The following IL17RA variants were observed in gnomAD, a reference collection of about 807,000 sequenced individuals.
IL17RA encodes interleukin-17 receptor A.
Under a neutral mutation model 50.4 loss-of-function variants are expected in IL17RA, and 34 were observed. The ratio of observed to expected loss-of-function variants is 0.67; its 90% CI spans 0.51 to 0.90. The LOEUF is 0.90. Ranked by LOEUF, IL17RA falls within the 40% of genes least tolerant of loss-of-function variation. IL17RA has a pLI of 0.00. For synonymous variants in IL17RA, 585 were observed against 510.4 expected, an observed-to-expected ratio of 1.15 and a Z score of -1.97; for missense variants, 1,276 against 1,169.8, an observed-to-expected ratio of 1.09 and a Z score of -1.32.
intron 11 of IL17RA, among the ~76,000 whole-genome samples, chr22:17,106,711 G>A (rs1305845518): frequency 1.3e-5 from 2 of 152,122 alleles, no homozygotes; most frequent in Admixed American, 6.5e-5. Context: ...GGCTCGTCAG[G>A]ATTAGGTGTT....
intron 1 of IL17RA, among the ~76,000 whole-genome samples, chr22:17,091,416 C>T (rs529262822): frequency 6.6e-6 from 1 of 152,164 alleles, no homozygotes; most frequent in Admixed American, 6.5e-5. Context: ...GTAGCTTACG[C>T]CTATAATCCC....
intron 11 of IL17RA, among the ~76,000 whole-genome samples, chr22:17,106,778 A>G (rs191457203): frequency 2.0e-5 from 3 of 152,180 alleles, no homozygotes; most frequent in Admixed American, 2.0e-4. Context: ...GGGAGGACCT[A>G]TGGGAGGTTC....
In IL17RA at chr22:17,109,086, C is replaced by A. The variant is rs762826386; in HGVS notation, c.1867C>A (p.Leu623Met). 3 of 1,570,134 alleles carry A rather than the reference C, an allele frequency of 1.9e-6. No individual in the cohort carries two copies. Among genetic ancestry groups the A allele is most frequent in the East Asian group, 2.3e-5 (1 of 43,622 alleles). ...AACCGGCATCGTGAAGCGGGCGCCC[C>A]TGGTGCGCGAGCCTGGCTCCCAGGC... Reference protein sequence around the residue: ...PGTGIVKRAPLVREPGSQACL... With the variant: ...PGTGIVKRAPMVREPGSQACL... Residue 623 changes from leucine to methionine, a missense_variant, in exon 13 of 13, where the codon CTG becomes ATG. Transcript: ENST00000319363.
intron 7 of IL17RA, among the ~76,000 whole-genome samples, chr22:17,102,555 T>C (rs2061395742): frequency 2.0e-5 from 3 of 152,058 alleles, no homozygotes; most frequent in Admixed American, 2.0e-4. Context: ...CGCCCCCTTG[T>C]TCTCTTTTTG....
At position 17,108,916 on chromosome 22, in the gene IL17RA, A is replaced by G. The variant is rs1194431734; in HGVS notation, c.1697A>G (p.Gln566Arg). ...DNYLRSPGGR[Q>R]LRAALDRFRD... ...TACCTGCGGAGCCCGGGCGGCAGGC[A>G]GCTCCGCGCCGCCCTGGACAGGTTC... The change falls in exon 13 of 13, where the codon CAG becomes CGG. Residue 566 changes from glutamine (Q) to arginine (R), a missense_variant. By Grantham distance (43) the Gln-to-Arg change is conservative. Coordinates refer to ENST00000319363, the MANE Select transcript of IL17RA (RefSeq NM_014339.7). 6 of 1,611,284 alleles carry G rather than the reference A, an allele frequency of 3.7e-6. No homozygotes were observed. The highest frequency in any genetic ancestry group is 1.3e-5 in the African/African-American group (1 of 74,762).
Position 17,113,781 on chromosome 22 carries a change from A to G in IL17RA, c.*3961A>G, listed in dbSNP as rs2061455537. The G allele has an allele frequency of 6.6e-6, 1 of 152,294 alleles. No individual in the cohort carries two copies. Among genetic ancestry groups the G allele is most frequent in the South Asian group, 2.1e-4 (1 of 4,828 alleles). 9.4% of individuals were successfully genotyped at this position (152,294 alleles called of 1,614,324 possible). A position where few individuals can be genotyped will look rare whatever the true frequency, so the allele number is the denominator to read the frequency against. On this transcript the variant is annotated 3_prime_UTR_variant, in exon 13 of 13. Transcript: ENST00000319363. ...CTGTGTCGGACAGAGGATCCTTACAAAGAAGAGGCAGCAGGGTTGGGGGCT... is the reference window on the plus strand; with the variant it reads ...CTGTGTCGGACAGAGGATCCTTACAGAGAAGAGGCAGCAGGGTTGGGGGCT...
At chr22:17,086,476 A>T (rs1361708663) in intron 1 of IL17RA, among the ~76,000 whole-genome samples, 2 of 152,118 alleles carry the variant, frequency 1.3e-5, no homozygotes, top group Admixed American at 1.3e-4. Context: ...TCCCTCCTGC[A>T]GGCTGTGTAT....
intron 10 of IL17RA, 26 bp from the exon 11 acceptor site, chr22:17,105,827 C>T: frequency 5.1e-6 from 2 of 391,722 alleles, no homozygotes; most frequent in Non-Finnish European, 3.4e-6. Flanking sequence ...CCCGCCGCAT[C>T]ACTCACGCTG....
intron 9 of IL17RA, 43 bp downstream of exon 9, chr22:17,104,853 G>T: frequency 6.3e-7 from 1 of 1,579,232 alleles, no homozygotes; most frequent in Admixed American, 1.7e-5. Flanking sequence ...GGGAGAACAA[G>T]TGGCTGAAGG....
At chr22:17,087,924 A>G (rs1285607446) in intron 1 of IL17RA, among the ~76,000 whole-genome samples, 2 of 152,196 alleles carry the variant, frequency 1.3e-5, no homozygotes, top group Admixed American at 1.3e-4. Flanking sequence ...GTTGTAGAAC[A>G]GCTGCTCAGT....
At position 17,108,926 on chromosome 22, in the gene IL17RA, C is replaced by G; in HGVS notation, c.1707C>G (p.Ala569=). ...GCCCGGGCGGCAGGCAGCTCCGCGC[C>G]GCCCTGGACAGGTTCCGGGACTGGC... ...LRSPGGRQLR[A]ALDRFRDWQV... is the part of the protein sequence containing the mutation. The change falls in exon 13 of 13, where the codon GCC becomes GCG. Residue 569 remains alanine, a synonymous_variant. Transcript: ENST00000319363. 1 of 1,611,782 alleles carries G rather than the reference C, an allele frequency of 6.2e-7. No individual in the cohort carries two copies. The highest frequency in any genetic ancestry group is 1.1e-5 in the South Asian group (1 of 90,952).
chr22:17,107,849 C>T (rs917014457), intron 12 of IL17RA, 81 bp downstream of exon 12: 3 of 1,276,160 alleles, frequency 2.4e-6, no homozygotes, highest in African/African-American at 2.9e-5. Flanking sequence ...GGGTCGCCTC[C>T]TGTGCTCTAA....
At position 17,108,600 on chromosome 22, in the gene IL17RA, CG is replaced by C; in HGVS notation, c.1387del (p.Ala463ArgfsTer21). The C allele has an allele frequency of 1.9e-6, 3 of 1,604,552 alleles. No individual in the cohort carries two copies. The highest frequency in any genetic ancestry group is 8.5e-7 in the Non-Finnish European group (1 of 1,179,538). On this transcript the variant is annotated frameshift_variant, in exon 13 of 13. Coordinates refer to ENST00000319363, the MANE Select transcript of IL17RA (RefSeq NM_014339.7). LOFTEE classifies it low-confidence loss of function (END_TRUNC). ...TRAKWQALLGRGAPVRLRCDH... is the reference protein window; with the variant it reads ...TRAKWQALLGXGAPVRLRCDH... Reference sequence around the variant, plus strand: ...CGCCAAGTGGCAGGCGCTCCTGGGCCGGGGGGCGCCTGTGCGGCTGCGCTGC... The same window carrying C: ...CGCCAAGTGGCAGGCGCTCCTGGGCCGGGGGCGCCTGTGCGGCTGCGCTGC...
intron 1 of IL17RA, among the ~76,000 whole-genome samples, chr22:17,094,744 T>A (rs1198625769): frequency 7.5e-6 from 1 of 133,014 alleles, no homozygotes; most frequent in Admixed American, 7.6e-5. Flanking sequence ...TCATGACTTA[T>A]TTCCATAGAA....
At chr22:17,105,768 C>T in intron 10 of IL17RA, 85 bp from the exon 11 acceptor site, 1 of 1,428,666 alleles carries the variant, frequency 7.0e-7, no homozygotes, top group East Asian at 2.3e-5. Flanking sequence ...GAGGACAGAG[C>T]CTGGGGCTGG....
chr22:17,090,053 C>T (rs1215526864), intron 1 of IL17RA, among the ~76,000 whole-genome samples: 4 of 151,520 alleles, frequency 2.6e-5, no homozygotes, highest in African/African-American at 9.7e-5. Flanking sequence ...GACGGAGTCT[C>T]GCTCTGTCAC....
At chr22:17,100,633 G>A (rs1264561861) in intron 5 of IL17RA, 152 bp downstream of exon 5, 5 of 993,372 alleles carry the variant, frequency 5.0e-6, no homozygotes, top group Middle Eastern at 3.0e-4. Flanking sequence ...CCAAGACTGG[G>A]AGTGCTTTGG....
intron 4 of IL17RA, among the ~76,000 whole-genome samples, chr22:17,099,837 C>T (rs2061383380): frequency 6.6e-6 from 1 of 152,196 alleles, no homozygotes; most frequent in Non-Finnish European, 1.5e-5. Flanking sequence ...AATATCATTG[C>T]AACTGAGGTG....
Position 17,110,559 on chromosome 22 carries a change from T to C in IL17RA, c.*739T>C, listed in dbSNP as rs1052382745. ...TAAACGCTGAATGGGCCAGGTGCAG[T>C]GGCTCATGCTTGTAATCCCAGCACT... is the stretch of plus-strand genomic sequence containing the variant. On this transcript the variant is annotated 3_prime_UTR_variant, in exon 13 of 13. Coordinates refer to ENST00000319363, the MANE Select transcript of IL17RA (RefSeq NM_014339.7). 23 of 150,722 alleles carry C rather than the reference T, an allele frequency of 1.5e-4. No individual in the cohort carries two copies. The highest frequency in any genetic ancestry group is 5.4e-4 in the African/African-American group (22 of 40,818). The allele number at this position is 150,722 out of a possible 1,614,324, so 9.3% of individuals were successfully genotyped here.
Sources: gnomAD v4.1 joint callset for allele counts (sites outside exome capture counted in the v4.1 genomes callset) on GRCh38, gnomAD v4.1.1 for gene constraint, MANE v1.5 for transcripts, NCBI Gene and HGNC (gene_info 2026-07-23, HGNC 2026-07-21) for gene names.